SNRPN: variants seen among roughly 807,000 people sequenced by gnomAD.
The protein encoded by SNRPN is small nuclear ribonucleoprotein polypeptide N.
Under a neutral mutation model 25.2 loss-of-function variants are expected in SNRPN, and 7 were observed. That is an observed-to-expected ratio of 0.28 (90% CI 0.16 to 0.52). SNRPN has a LOEUF of 0.52. Among genes scored for constraint, SNRPN ranks in the 20% least tolerant of loss-of-function variants. The probability of loss-of-function intolerance (pLI) is 0.96; values close to 1 mark genes in which losing one functional copy is unlikely to be tolerated. For missense variants in SNRPN, 196 were observed against 322.5 expected (o/e 0.61, Z 3.00); for synonymous variants, 124 against 110.6 (o/e 1.12, Z -0.76).
intron 3 of SNRPN, among the ~76,000 whole-genome samples, chr15:24,947,769 G>C (rs988883768): frequency 1.3e-5 from 2 of 152,118 alleles, no homozygotes; most frequent in Admixed American, 6.6e-5. Flanking sequence ...TTCCATGTCT[G>C]GGTTGGACTT....
At chr15:24,887,097 T>C (rs906300997) in intron 2 of SNRPN, among the ~76,000 whole-genome samples, 2 of 151,760 alleles carry the variant, frequency 1.3e-5, no homozygotes, top group African/African-American at 4.8e-5. Context: ...GTTCTCTGTA[T>C]CATCTTCCGG....
At chr15:24,879,861 A>G (rs1410064687) in intron 1 of SNRPN, among the ~76,000 whole-genome samples, 2 of 152,154 alleles carry the variant, frequency 1.3e-5, no homozygotes, top group Non-Finnish European at 2.9e-5. Flanking sequence ...CCTTCCTATC[A>G]CCCACTGTTC....
At chr15:24,967,854 A>C in intron 2 of SNRPN, 78 bp from the exon 3 acceptor site, 4 of 1,052,154 alleles carry the variant, frequency 3.8e-6, no homozygotes, top group Non-Finnish European at 5.9e-6. Context: ...ATGTAAGGGT[A>C]CCTAGTTTTC....
At chr15:24,908,231 G>A (rs2058979111) in intron 2 of SNRPN, among the ~76,000 whole-genome samples, 1 of 152,032 alleles carries the variant, frequency 6.6e-6, no homozygotes, top group South Asian at 2.1e-4. Flanking sequence ...ATGCTTAGCG[G>A]CACAACTGAC....
chr15:24,854,996 T>G (rs1347029195), upstream of SNRPN, among the ~76,000 whole-genome samples: 1 of 76,294 alleles, frequency 1.3e-5, no homozygotes, highest in East Asian at 5.8e-4. Flanking sequence ...AGAGCGAGAC[T>G]CCGTCTCAAA....
chr15:24,974,490 T>G, intron 4 of SNRPN, 34 bp downstream of exon 4: 3 of 1,609,044 alleles, frequency 1.9e-6, no homozygotes, highest in Non-Finnish European at 1.7e-6. Flanking sequence ...GGTTGAAATG[T>G]GCTGTAAGGG....
chr15:24,945,833 A>G (rs978327404), intron 3 of SNRPN, among the ~76,000 whole-genome samples: 1 of 152,092 alleles, frequency 6.6e-6, no homozygotes, highest in Non-Finnish European at 1.5e-5. Flanking sequence ...GAGAGGAGAA[A>G]TTCAGCAAAG....
chr15:24,940,768 T>TTGTG (rs2061502494), intron 3 of SNRPN, among the ~76,000 whole-genome samples: 1 of 150,622 alleles, frequency 6.6e-6, no homozygotes, highest in Non-Finnish European at 1.5e-5. Flanking sequence ...GTGTGTGTGT[T>TTGTG]TGTGTGTGTG....
chr15:24,930,101 G>A (rs1252800246), intron 3 of SNRPN, among the ~76,000 whole-genome samples: 3 of 151,174 alleles, frequency 2.0e-5, no homozygotes, highest in South Asian at 2.1e-4. Flanking sequence ...CCGAGATTGT[G>A]CCACTGCACT....
At chr15:24,897,621 AATTATAATCCCATGTG>A (rs1417438458) in intron 2 of SNRPN, among the ~76,000 whole-genome samples, 9 of 152,156 alleles carry the variant, frequency 5.9e-5, no homozygotes, top group African/African-American at 2.2e-4. Context: ...TCTCACCTTG[AATTATAATCCCATGTG>A]TCAAGGGTGG....
chr15:24,881,660 T>TA (rs199548135), intron 1 of SNRPN, among the ~76,000 whole-genome samples: 5,752 of 128,338 alleles, frequency 0.045, 181 homozygotes, highest in Non-Finnish European at 0.065. Context: ...AAACAAAAAC[T>TA]AAAAAAAAAT....
chr15:24,847,456 C>A (rs1276896329), intron 2 of SNRPN, among the ~76,000 whole-genome samples: 1 of 152,106 alleles, frequency 6.6e-6, no homozygotes, highest in African/African-American at 2.4e-5. Context: ...GCCTGGGTAA[C>A]ACGGTGAAAC....
At chr15:24,863,427 G>T (rs747915931) in intron 1 of SNRPN, among the ~76,000 whole-genome samples, 1 of 150,104 alleles carries the variant, frequency 6.7e-6, no homozygotes, top group Non-Finnish European at 1.5e-5. Flanking sequence ...GTGCAGCCTT[G>T]TAGGCCACTG....
rs184037101 is a variant in SNRPN at position 24,883,241 on chromosome 15, G to A, written c.-578-3275G>A. Among the ~76,000 whole-genome samples the A allele has an allele frequency of 2.0e-4, 30 of 152,352 alleles. 1 individual carries two copies. The East Asian group carries it at 4.8e-3, about 25-fold the overall frequency. The stretch of plus-strand genomic sequence containing the variant: ...AGCCAAGTAAGCAGGGAGGCCAAGC[G>A]TATTCCTTGGATGGTCTGCGGTGGG... On this transcript the variant is annotated intron_variant, in intron 1 of 11. Transcript: ENST00000400097.
At chr15:24,922,060 AAAATT>A (rs1457127412) in intron 3 of SNRPN, among the ~76,000 whole-genome samples, 2 of 150,518 alleles carry the variant, frequency 1.3e-5, no homozygotes, top group Admixed American at 6.6e-5. Flanking sequence ...AAAAAAAAAA[AAAATT>A]AGCCGGGCAC....
chr15:24,907,370 G>A (rs1294067486), intron 2 of SNRPN, among the ~76,000 whole-genome samples: 1 of 152,068 alleles, frequency 6.6e-6, no homozygotes, highest in Non-Finnish European at 1.5e-5. Flanking sequence ...GGCCGAGGCA[G>A]GCGGATCACA....
chr15:24,852,819 G>A (rs559670998), upstream of SNRPN, among the ~76,000 whole-genome samples: 3 of 152,136 alleles, frequency 2.0e-5, no homozygotes, highest in South Asian at 4.1e-4. Context: ...TCAGCTACTC[G>A]GGAGGCTGAG....
At chr15:24,960,419 C>A (rs2074580159) in intron 1 of SNRPN, among the ~76,000 whole-genome samples, 1 of 152,012 alleles carries the variant, frequency 6.6e-6, no homozygotes, top group Admixed American at 6.6e-5. Context: ...CAGGTCACTG[C>A]AACCTCTGCC....
intron 2 of SNRPN, among the ~76,000 whole-genome samples, chr15:24,914,834 C>A (rs2059420166): frequency 6.6e-6 from 1 of 152,060 alleles, no homozygotes. Context: ...GGGACCAATG[C>A]AATGGGATTT....
Sources: allele counts gnomAD v4.1 joint callset (sites outside exome capture counted in the v4.1 genomes callset), GRCh38; gene constraint gnomAD v4.1.1; transcripts MANE v1.5; gene names NCBI Gene and HGNC (gene_info 2026-07-23, HGNC 2026-07-21).